The following NHSL1 variants were observed in gnomAD, a reference collection of about 807,000 sequenced individuals.
NHSL1 encodes the protein NHS like 1, also known as NHS-like protein 1.
In NHSL1, 48 loss-of-function variants were observed where a neutral mutation model predicts 95.0. That is an observed-to-expected ratio of 0.51 (90% CI 0.40 to 0.64). NHSL1 has a LOEUF of 0.64. Among genes scored for constraint, NHSL1 ranks in the 30% least tolerant of loss-of-function variants. The probability of loss-of-function intolerance (pLI) is 0.00; values close to 1 mark genes in which losing one functional copy is unlikely to be tolerated. For missense variants in NHSL1, 1,971 were observed against 2,077.7 expected, an observed-to-expected ratio of 0.95 and a Z score of 1.00; for synonymous variants, 783 against 833.9, an observed-to-expected ratio of 0.94 and a Z score of 1.05.
intron 1 of NHSL1, among the ~76,000 whole-genome samples, chr6:138,531,998 T>G (rs1485311953): frequency 6.6e-6 from 1 of 152,190 alleles, no homozygotes; most frequent in African/African-American, 2.4e-5. Flanking sequence ...CAGACAGATG[T>G]ATGACACTGT....
intron 1 of NHSL1, among the ~76,000 whole-genome samples, chr6:138,558,709 G>A (rs1315550353): frequency 6.6e-6 from 1 of 152,154 alleles, no homozygotes; most frequent in East Asian, 1.9e-4. Context: ...ACGAGCTACA[G>A]TGCCTGGCCC....
chr6:138,433,039 G>T lies in NHSL1; in HGVS notation c.1306C>A (p.Arg436=), dbSNP rs149439506. The change falls in exon 6 of 8, where the codon CGG becomes AGG. Residue 436 remains arginine, a synonymous_variant. Coordinates refer to ENST00000343505, the MANE Select transcript of NHSL1 (RefSeq NM_001144060.2). The part of the protein sequence containing the change: ...AIPTAQSAGQ[R]ESKSSGSSHA... The stretch of plus-strand genomic sequence containing the variant: ...GATGAGCCAGAACTTTTACTTTCCC[G>T]CTGTCCCGCACTCTGAGCAGTGGGA... 2 of 1,551,368 alleles carry T rather than the reference G, an allele frequency of 1.3e-6. No individual in the cohort carries two copies. Among genetic ancestry groups the T allele is most frequent in the East Asian group, 2.4e-5 (1 of 40,908 alleles).
At chr6:138,477,898 C>A (rs1779172305) in intron 2 of NHSL1, among the ~76,000 whole-genome samples, 1 of 151,826 alleles carries the variant, frequency 6.6e-6, no homozygotes, top group African/African-American at 2.4e-5. Context: ...AAATCATCAT[C>A]CACAAGTTAA....
intron 1 of NHSL1, among the ~76,000 whole-genome samples, chr6:138,627,859 C>A (rs145629670): frequency 5.2e-4 from 78 of 151,018 alleles, no homozygotes; most frequent in Non-Finnish European, 4.6e-4. Context: ...CCAGCCTGGG[C>A]GACAGAACAA....
intron 1 of NHSL1, among the ~76,000 whole-genome samples, chr6:138,520,549 C>T (rs918375305): frequency 2.0e-5 from 3 of 152,102 alleles, no homozygotes; most frequent in African/African-American, 7.2e-5. Flanking sequence ...CTCGGCCTCC[C>T]AAAGTGCTGA....
intron 1 of NHSL1, among the ~76,000 whole-genome samples, chr6:138,534,275 G>A (rs934482005): frequency 6.6e-6 from 1 of 151,964 alleles, no homozygotes; most frequent in African/African-American, 2.4e-5. Flanking sequence ...AATTCTTCTG[G>A]ATCAAGTTAA....
At chr6:138,463,607 G>A (rs970915223) in intron 3 of NHSL1, among the ~76,000 whole-genome samples, 1 of 150,980 alleles carries the variant, frequency 6.6e-6, no homozygotes, top group African/African-American at 2.4e-5. Flanking sequence ...CATGTGCCAT[G>A]GTGGTTTGCT....
intron 3 of NHSL1, among the ~76,000 whole-genome samples, chr6:138,455,499 CCGCCTT>C (rs1291838711): frequency 1.0e-4 from 9 of 86,220 alleles, no homozygotes; most frequent in African/African-American, 3.2e-4. Context: ...GCAAGGAGCC[CCGCCTT>C]CACATGCTCC....
chr6:138,443,586 G>C (rs1776669364), intron 4 of NHSL1, among the ~76,000 whole-genome samples: 1 of 152,184 alleles, frequency 6.6e-6, no homozygotes, highest in Non-Finnish European at 1.5e-5. Context: ...CAGCACATTG[G>C]AGAGTTGAGG....
chr6:138,637,611 A>T (rs1189930935), intron 1 of NHSL1, among the ~76,000 whole-genome samples: 1 of 152,228 alleles, frequency 6.6e-6, no homozygotes, highest in African/African-American at 2.4e-5. Context: ...CAAATGGCTA[A>T]CAGGCATATG....
At chr6:138,581,633 T>G (rs1050873535) in intron 1 of NHSL1, among the ~76,000 whole-genome samples, 8 of 143,032 alleles carry the variant, frequency 5.6e-5, no homozygotes, top group African/African-American at 2.1e-4. Flanking sequence ...CTGAGATTGC[T>G]GTGAGCCGAG....
chr6:138,430,502 G>T lies in NHSL1; in HGVS notation c.3843C>A (p.Pro1281=), dbSNP rs1297004723. 1 of 1,551,430 alleles carries T rather than the reference G, an allele frequency of 6.4e-7. No individual in the cohort carries two copies. The highest frequency in any genetic ancestry group is 1.2e-5 in the South Asian group (1 of 84,036). ...CTGGTGAGACATCAGGCTGAACCAT[G>T]GGGACATTGGCTTCCACTCTGCTGG... The part of the protein sequence containing the change: ...MSPSRVEANV[P]MVQPDVSPAP... Residue 1281 remains proline, a synonymous_variant, in exon 6 of 8, where the codon CCC becomes CCA. Transcript: ENST00000343505. This position sits in a 1 kb window ranked among gnomAD's most constrained non-coding sequence, Gnocchi z 4.7.
intron 1 of NHSL1, among the ~76,000 whole-genome samples, chr6:138,646,036 G>A (rs1785016580): frequency 6.6e-6 from 1 of 152,186 alleles, no homozygotes; most frequent in Admixed American, 6.5e-5. Context: ...TTAAATACAA[G>A]CAGTTACCAT....
At chr6:138,546,440 A>ACAAC (rs1782801211), upstream of NHSL1, among the ~76,000 whole-genome samples, 1 of 129,008 alleles carries the variant, frequency 7.8e-6, no homozygotes, top group African/African-American at 4.3e-5. Flanking sequence ...AAAAAAAAAA[A>ACAAC]AAAAAAAAAA....
Position 138,627,172 on chromosome 6 carries a change from G to C in NHSL1, c.96+65304C>G, listed in dbSNP as rs565884885. ...ACTATGTCAAACCTGTTCCCAAAAGGAAGAGGATTAAATTCTACACCTAGA... is the reference window on the plus strand; with the variant it reads ...ACTATGTCAAACCTGTTCCCAAAAGCAAGAGGATTAAATTCTACACCTAGA... On this transcript the variant is annotated intron_variant, in intron 1 of 3. Coordinates refer to the NHSL1 transcript ENST00000491526. Among the ~76,000 whole-genome samples, 54 of 152,224 alleles carry C rather than the reference G, an allele frequency of 3.5e-4. No individual in the cohort carries two copies. The East Asian group carries it at 8.1e-3, about 23-fold the overall frequency.
intron 4 of NHSL1, among the ~76,000 whole-genome samples, chr6:138,444,076 G>T (rs1188024162): frequency 6.6e-6 from 1 of 152,046 alleles, no homozygotes; most frequent in East Asian, 1.9e-4. Flanking sequence ...ATCCCCTATG[G>T]CACTCAGCTA....
chr6:138,563,130 C>T (rs1783476427), intron 1 of NHSL1, among the ~76,000 whole-genome samples: 1 of 152,226 alleles, frequency 6.6e-6, no homozygotes, highest in African/African-American at 2.4e-5. Flanking sequence ...TTTCAGTTCT[C>T]TCTAATGATC....
intron 1 of NHSL1, among the ~76,000 whole-genome samples, chr6:138,535,355 G>C (rs1273261308): frequency 6.6e-6 from 1 of 152,152 alleles, no homozygotes; most frequent in Non-Finnish European, 1.5e-5. Context: ...CCTGAGCCCA[G>C]GAGTTCGAGA....
At chr6:138,535,078 G>T (rs1235735638) in intron 1 of NHSL1, among the ~76,000 whole-genome samples, 1 of 152,086 alleles carries the variant, frequency 6.6e-6, no homozygotes, top group African/African-American at 2.4e-5. Flanking sequence ...GCACGATATC[G>T]CTGGTCTTAA....
Sources: gnomAD v4.1 joint callset for allele counts (sites outside exome capture counted in the v4.1 genomes callset) on GRCh38, gnomAD v4.1.1 for gene constraint, Gnocchi (gnomAD v3.1) non-coding constraint, MANE v1.5 for transcripts, NCBI Gene and HGNC (gene_info 2026-07-23, HGNC 2026-07-21) for gene names.